PTK7: variants seen among roughly 807,000 people sequenced by gnomAD.
PTK7 encodes the protein protein tyrosine kinase 7 (inactive).
In PTK7, 39 loss-of-function variants were observed where a neutral mutation model predicts 116.6. The observed-to-expected ratio is 0.33, with a 90% CI of 0.26 to 0.44. PTK7 has a LOEUF of 0.44. PTK7 is among the 20% of genes least tolerant of loss of function. PTK7 has a pLI of 1.00. For synonymous variants in PTK7, 546 were observed against 563.6 expected (o/e 0.97, Z 0.44); for missense variants, 1,169 against 1,425.6 (o/e 0.82, Z 2.90).
At chr6:43,104,820 T>G (rs1767776474) in intron 1 of PTK7, among the ~76,000 whole-genome samples, 1 of 147,262 alleles carries the variant, frequency 6.8e-6, no homozygotes, top group Admixed American at 6.8e-5. Context: ...TTTTTTTTTT[T>G]TTTTTTTTTT....
At chr6:43,109,007 A>G (rs960208446) in intron 1 of PTK7, among the ~76,000 whole-genome samples, 2 of 152,216 alleles carry the variant, frequency 1.3e-5, no homozygotes. Context: ...TTTTCAAAAT[A>G]ATGAGTTGGT....
chr6:43,126,233 T>A (rs150250317), intron 1 of PTK7, among the ~76,000 whole-genome samples: 9 of 152,070 alleles, frequency 5.9e-5, no homozygotes, highest in Non-Finnish European at 1.3e-4. Flanking sequence ...GGCATGAGAA[T>A]CGCTTAAATC....
chr6:43,130,512 T>C lies in PTK7; in HGVS notation c.663T>C (p.Asp221=). The C allele has an allele frequency of 6.2e-7, 1 of 1,613,652 alleles. No homozygotes were observed. The highest frequency in any genetic ancestry group is 8.5e-7 in the Non-Finnish European group (1 of 1,179,746). ...SSQNFTLSIA[D]ESFARVVLAP... is the part of the protein sequence containing the mutation. Reference sequence around the variant, plus strand: ...GCTCCCCCATCTTTCCCTCTCCAGATGAAAGCTTTGCCAGGGTGGTGCTGG... The same window carrying C: ...GCTCCCCCATCTTTCCCTCTCCAGACGAAAGCTTTGCCAGGGTGGTGCTGG... Residue 221 remains aspartate (D), a splice_region_variant and synonymous_variant, in exon 5 of 20, where the codon GAT becomes GAC. Coordinates refer to ENST00000230419, the MANE Select transcript of PTK7 (RefSeq NM_002821.5).
chr6:43,127,923 C>T (rs147349862), intron 1 of PTK7, among the ~76,000 whole-genome samples: 14 of 149,856 alleles, frequency 9.3e-5, no homozygotes, highest in African/African-American at 2.5e-4. Flanking sequence ...ATCGAGACTC[C>T]GTCTCAAAAA....
Position 43,143,191 on chromosome 6 carries a change from G to T in PTK7, c.2048-226G>T. 2.0e-6 allele frequency: 1 copy of T among 507,260 alleles called. No homozygotes were observed. Among genetic ancestry groups the T allele is most frequent in the South Asian group, 2.8e-5 (1 of 35,384 alleles). The allele number at this position is 507,260 out of a possible 1,614,324, so 31.4% of individuals were successfully genotyped here. On this transcript the variant is annotated intron_variant, in intron 13 of 19. Coordinates refer to ENST00000230419, the MANE Select transcript of PTK7 (RefSeq NM_002821.5). The surrounding 1 kb of genome is among the most constrained non-coding windows in gnomAD (Gnocchi z 4.2). ...ATCCGTGTCGCCTGTCTTGGCTTCC[G>T]ATGCAAAGCCAGCTTGGGAACCCCT...
intron 1 of PTK7, among the ~76,000 whole-genome samples, chr6:43,083,988 G>A (rs1766516815): frequency 6.6e-6 from 1 of 152,112 alleles, no homozygotes; most frequent in Non-Finnish European, 1.5e-5. Context: ...TAGTTTCCTG[G>A]GCCTTACTGC....
intron 10 of PTK7, among the ~76,000 whole-genome samples, chr6:43,140,576 T>C (rs758447672): frequency 2.4e-4 from 37 of 152,082 alleles, no homozygotes; most frequent in Non-Finnish European, 4.4e-4. Flanking sequence ...TTATTGTATA[T>C]ATAGTTTCAG....
intron 17 of PTK7, among the ~76,000 whole-genome samples, chr6:43,152,677 T>A (rs1771189296): frequency 6.6e-6 from 1 of 152,262 alleles, no homozygotes; most frequent in Admixed American, 6.5e-5. Flanking sequence ...TAGCTTCATA[T>A]AGCAACTGTA....
intron 13 of PTK7, 66 bp downstream of exon 13, chr6:43,142,365 C>T: frequency 1.9e-6 from 3 of 1,609,786 alleles, no homozygotes; most frequent in Non-Finnish European, 2.5e-6. Context: ...ACCTTGTACT[C>T]AGCCCCTGTG....
chr6:43,079,846 C>A (rs555732874), intron 1 of PTK7, among the ~76,000 whole-genome samples: 2 of 149,992 alleles, frequency 1.3e-5, no homozygotes, highest in African/African-American at 4.9e-5. Flanking sequence ...ATCGCTTGAG[C>A]CCAGGGGCTC....
At position 43,076,879 on chromosome 6, in the gene PTK7, C is replaced by G; in HGVS notation, c.79+312C>G. 1 of 1,490,626 alleles carries G rather than the reference C, an allele frequency of 6.7e-7. No homozygotes were observed. 92.3% of individuals were successfully genotyped at this position (1,490,626 alleles called of 1,614,324 possible). A position where few individuals can be genotyped will look rare whatever the true frequency, so the allele number is the denominator to read the frequency against. ...CTGCCGAGAGTTGCTGGCTCTCGGG[C>G]CCAGATGGGGAGTTTCTTGTCGGGG... is the stretch of plus-strand genomic sequence containing the variant. On this transcript the variant is annotated intron_variant, in intron 1 of 19. Transcript: ENST00000230419. This position sits in a 1 kb window ranked among gnomAD's most constrained non-coding sequence, Gnocchi z 5.7.
At position 43,076,576 on chromosome 6, in the gene PTK7, C is replaced by A. The variant is rs1189910294; in HGVS notation, c.79+9C>A. ...GCTGCCGCTGCTGGGCGGTGAGTAC[C>A]CGAGAGTTGGGGGCACAGAGCTTGG... is the stretch of plus-strand genomic sequence containing the variant. On this transcript the variant is annotated intron_variant, in intron 1 of 19. Transcript: ENST00000230419. This position sits in a 1 kb window ranked among gnomAD's most constrained non-coding sequence, Gnocchi z 5.7. 6.3e-7 allele frequency: 1 copy of A among 1,574,866 alleles called. No individual in the cohort carries two copies. Among genetic ancestry groups the A allele is most frequent in the Non-Finnish European group, 8.6e-7 (1 of 1,165,882 alleles).
At chr6:43,124,857 C>G (rs1318839144) in intron 1 of PTK7, among the ~76,000 whole-genome samples, 1 of 152,126 alleles carries the variant, frequency 6.6e-6, no homozygotes, top group African/African-American at 2.4e-5. Flanking sequence ...TTGGAGCAGA[C>G]CTGGGAGCTG....
chr6:43,161,182 A>G lies in PTK7; in HGVS notation c.*301A>G, dbSNP rs776268103. 9.5e-6 allele frequency: 3 copies of G among 316,904 alleles called. No homozygotes were observed. Among genetic ancestry groups the G allele is most frequent in the Non-Finnish European group, 1.8e-5 (3 of 170,456 alleles). The allele number at this position is 316,904 out of a possible 1,614,324, so 19.6% of individuals were successfully genotyped here. ...AGGTAACCCCAATTTCTGGCCTTCAACTTCTCCCCTTGACCGGGTCCAACT... is the reference window on the plus strand; with the variant it reads ...AGGTAACCCCAATTTCTGGCCTTCAGCTTCTCCCCTTGACCGGGTCCAACT... On this transcript the variant is annotated 3_prime_UTR_variant, in exon 20 of 20. Transcript: ENST00000230419.
intron 1 of PTK7, among the ~76,000 whole-genome samples, chr6:43,118,920 C>T (rs1462226953): frequency 6.6e-6 from 1 of 151,280 alleles, no homozygotes; most frequent in Non-Finnish European, 1.5e-5. Context: ...AGGTGGGCGC[C>T]ACCACATTTG....
At chr6:43,159,694 C>G (rs773302342) in intron 18 of PTK7, 94 bp from the exon 19 acceptor site, 24 of 1,344,426 alleles carry the variant, frequency 1.8e-5, no homozygotes, top group Non-Finnish European at 2.5e-5. Context: ...GCTGGGCCCC[C>G]GGCTTGGGGA....
intron 1 of PTK7, among the ~76,000 whole-genome samples, chr6:43,095,862 T>C (rs1767223138): frequency 6.6e-6 from 1 of 152,226 alleles, no homozygotes; most frequent in Non-Finnish European, 1.5e-5. Context: ...TTGGGGAGAC[T>C]GATCTTGTCT....
intron 1 of PTK7, among the ~76,000 whole-genome samples, chr6:43,116,827 G>A (rs571252330): frequency 6.6e-6 from 1 of 151,998 alleles, no homozygotes; most frequent in East Asian, 1.9e-4. Flanking sequence ...TTATGTATTT[G>A]TTTATTTATT....
At chr6:43,136,777 G>A (rs2150441118) in intron 7 of PTK7, among the ~76,000 whole-genome samples, 1 of 152,208 alleles carries the variant, frequency 6.6e-6, no homozygotes, top group East Asian at 1.9e-4. Context: ...AAGGTGGGAG[G>A]ACTGCTTGAG....
Sources: gnomAD v4.1 joint callset for allele counts (sites outside exome capture counted in the v4.1 genomes callset) on GRCh38, gnomAD v4.1.1 for gene constraint, Gnocchi (gnomAD v3.1) non-coding constraint, MANE v1.5 for transcripts, NCBI Gene and HGNC (gene_info 2026-07-23, HGNC 2026-07-21) for gene names.